AKAP3: variants seen among roughly 807,000 people sequenced by gnomAD.
The protein encoded by AKAP3 is A-kinase anchor protein 3.
A neutral mutation model predicts 57.2 loss-of-function variants in AKAP3; 27 were observed. The observed-to-expected ratio is 0.47, with a 90% CI of 0.35 to 0.65. The LOEUF (loss-of-function observed/expected upper bound fraction) is 0.65. Among genes scored for constraint, AKAP3 ranks in the 30% least tolerant of loss-of-function variants. The pLI is 0.01. For missense variants in AKAP3, 959 were observed against 1,040.0 expected, an observed-to-expected ratio of 0.92 and a Z score of 1.07; for synonymous variants, 334 against 392.3, an observed-to-expected ratio of 0.85 and a Z score of 1.76.
At chr12:4,617,442 C>G (rs1366963334) in intron 5 of AKAP3, among the ~76,000 whole-genome samples, 1 of 152,156 alleles carries the variant, frequency 6.6e-6, no homozygotes, top group Non-Finnish European at 1.5e-5. Flanking sequence ...GTAGGCTATC[C>G]TCTTCAGTTC....
chr12:4,645,409 T>G (rs544628556), intron 1 of AKAP3: 1 of 152,368 alleles, frequency 6.6e-6, no homozygotes, highest in South Asian at 2.1e-4. Context: ...GGACCAGTTT[T>G]GTGAAAGACA....
Position 4,628,080 on chromosome 12 carries a change from A to G in AKAP3, c.822T>C (p.Pro274=). Residue 274 remains proline (P), a synonymous_variant, in exon 5 of 6, where the codon CCT becomes CCC. Coordinates refer to ENST00000228850, the MANE Select transcript of AKAP3 (RefSeq NM_001278309.2). ...ERKRFRGQER[P]DDFTASVSEG... ...CACTAACAGAAGCCGTAAAGTCATC[A>G]GGCCTTTCCTGCCCTCGAAACCTCT... The G allele has an allele frequency of 6.8e-6, 11 of 1,614,154 alleles. No individual in the cohort carries two copies. The highest frequency in any genetic ancestry group is 9.3e-6 in the Non-Finnish European group (11 of 1,180,014).
chr12:4,641,287 G>T (rs1945635183), intron 3 of AKAP3, among the ~76,000 whole-genome samples: 1 of 151,990 alleles, frequency 6.6e-6, no homozygotes, highest in Non-Finnish European at 1.5e-5. Flanking sequence ...AGAAGGATTG[G>T]ATTAAAATGT....
intron 4 of AKAP3, chr12:4,635,487 A>C: frequency 1.5e-6 from 1 of 667,950 alleles, no homozygotes. Context: ...ATTTACATTC[A>C]CTGATGTTTA....
At position 4,618,740 on chromosome 12, in the gene AKAP3, T is replaced by C. The variant is rs546810403; in HGVS notation, c.2407-2846A>G. On this transcript the variant is annotated intron_variant, in intron 5 of 5. Coordinates refer to ENST00000228850, the MANE Select transcript of AKAP3 (RefSeq NM_001278309.2). ...AATGTCCCCTGGGGGGCAAAATTGC[T>C]CCTGGTTGAGAACCACTGGGTAGGC... is the stretch of plus-strand genomic sequence containing the variant. 2.0e-5 allele frequency among the ~76,000 whole-genome samples: 3 copies of C among 152,350 alleles called. No individual in the cohort carries two copies. The South Asian group carries it at 6.2e-4, about 32-fold the overall frequency.
intron 5 of AKAP3, among the ~76,000 whole-genome samples, chr12:4,616,824 G>T (rs147399198): frequency 2.7e-4 from 41 of 152,164 alleles, no homozygotes; most frequent in African/African-American, 9.2e-4. Context: ...CAGAGCCCAA[G>T]GACTTGTGGG....
intron 3 of AKAP3, among the ~76,000 whole-genome samples, chr12:4,639,462 A>C (rs982317784): frequency 1.3e-5 from 2 of 152,040 alleles, no homozygotes; most frequent in African/African-American, 4.8e-5. Context: ...GTTCTAGGGC[A>C]CATGTGCACA....
At chr12:4,619,304 TTCCTG>T in intron 5 of AKAP3, among the ~76,000 whole-genome samples, 1 of 152,256 alleles carries the variant, frequency 6.6e-6, no homozygotes, top group South Asian at 2.1e-4. Flanking sequence ...CATGCCTGTT[TTCCTG>T]GCACTTTGGG....
In AKAP3 at chr12:4,627,024, C is replaced by T. The variant is rs745969161; in HGVS notation, c.1878G>A (p.Arg626=). 7.4e-6 allele frequency: 12 copies of T among 1,613,930 alleles called. No individual in the cohort carries two copies. Among genetic ancestry groups the T allele is most frequent in the Non-Finnish European group, 1.0e-5 (12 of 1,179,966 alleles). The change falls in exon 5 of 6, where the codon AGG becomes AGA. Residue 626 remains arginine (R), a synonymous_variant. Transcript: ENST00000228850. ...KVPEQPVKED[R]KLCERPLASS... ...ACGCCAACGGTCTTTCACACAACTT[C>T]CTATCTTCCTTAACTGGCTGTTCCG... is the stretch of plus-strand genomic sequence containing the variant.
chr12:4,628,843 G>A, intron 4 of AKAP3, 38 bp from the exon 5 acceptor site: 1 of 1,556,752 alleles, frequency 6.4e-7, no homozygotes, highest in South Asian at 1.2e-5. Flanking sequence ...CTATAACAAA[G>A]TAAAGATATG....
At position 4,615,735 on chromosome 12, in the gene AKAP3, CCG is replaced by C. The variant is rs1290985444; in HGVS notation, c.*2_*3del. On this transcript the variant is annotated 3_prime_UTR_variant, in exon 6 of 6. Transcript: ENST00000228850. ...AGAAGAGGGGAAAGCAGTGGGGTTG[CCG>C]ATTACAGGTTCACCATCAGCCAGTC... 6.2e-7 allele frequency: 1 copy of C among 1,612,404 alleles called. No individual in the cohort carries two copies. Among genetic ancestry groups the C allele is most frequent in the African/African-American group, 1.3e-5 (1 of 74,872 alleles).
At chr12:4,629,833 G>A (rs1172331996) in intron 4 of AKAP3, among the ~76,000 whole-genome samples, 1 of 152,056 alleles carries the variant, frequency 6.6e-6, no homozygotes, top group Non-Finnish European at 1.5e-5. Context: ...TTGCCAGGCT[G>A]CACAAACACT....
chr12:4,619,340 C>G lies in AKAP3; in HGVS notation c.2407-3446G>C, dbSNP rs774803126. Among the ~76,000 whole-genome samples the G allele has an allele frequency of 6.6e-5, 10 of 152,254 alleles. No individual in the cohort carries two copies. The East Asian group carries it at 1.9e-3, about 29-fold the overall frequency. On this transcript the variant is annotated intron_variant, in intron 5 of 5. Transcript: ENST00000228850. ...TTGGGAGGCTGAGGTGTTCAGATCA[C>G]TTGAGCCCTGGAGCTTGAGACCAGC...
chr12:4,618,603 C>T (rs1405926532), intron 5 of AKAP3, among the ~76,000 whole-genome samples: 6 of 152,244 alleles, frequency 3.9e-5, no homozygotes, highest in Non-Finnish European at 8.8e-5. Context: ...TGTTGTGGGG[C>T]TATTTTGCTC....
intron 3 of AKAP3, among the ~76,000 whole-genome samples, chr12:4,639,205 T>C (rs1297574772): frequency 3.3e-5 from 5 of 151,782 alleles, no homozygotes; most frequent in Admixed American, 1.3e-4. Context: ...ACTCTCATGA[T>C]GACTGAGAGT....
intron 4 of AKAP3, chr12:4,631,416 A>C: frequency 1.4e-6 from 1 of 689,682 alleles, no homozygotes; most frequent in Non-Finnish European, 2.6e-6. Context: ...TTTTTGCCAC[A>C]AAGTGGGGCT....
rs200385558 is a variant in AKAP3, at chr12:4,626,898, C to A, written c.2004G>T (p.Gln668His). 1 of 1,614,178 alleles carries A rather than the reference C, an allele frequency of 6.2e-7. No homozygotes were observed. Among genetic ancestry groups the A allele is most frequent in the African/African-American group, 1.3e-5 (1 of 75,072 alleles). ...CTGAGTTCATCAGATGTTCTACCAT[C>A]TGCCCACTCATGTGGCCATCTATCT... ...VSQIDGHMSG[Q>H]MVEHLMNSVM... Residue 668 changes from glutamine to histidine, a missense_variant, in exon 5 of 6, where the codon CAG (glutamine) becomes CAT (histidine). Transcript: ENST00000228850.
In AKAP3 at chr12:4,625,727, G is replaced by C. The variant is rs1289161971; in HGVS notation, c.2406+769C>G. On this transcript the variant is annotated intron_variant, in intron 5 of 5. Transcript: ENST00000228850. The surrounding 1 kb of genome is among the most constrained non-coding windows in gnomAD (Gnocchi z 5.4). Reference sequence around the variant, plus strand: ...AGAGAGAGAGAGAGAGCAAGCGAGCGAGAAGGCAGAGAGGAGAGAGAAGAG... The same window carrying C: ...AGAGAGAGAGAGAGAGCAAGCGAGCCAGAAGGCAGAGAGGAGAGAGAAGAG... Among the ~76,000 whole-genome samples the C allele has an allele frequency of 6.6e-6, 1 of 151,896 alleles. No individual in the cohort carries two copies. The highest frequency in any genetic ancestry group is 2.4e-5 in the African/African-American group (1 of 41,376).
At chr12:4,646,017 T>A (rs1945693976) in intron 1 of AKAP3, 1 of 152,188 alleles carries the variant, frequency 6.6e-6, no homozygotes, top group Non-Finnish European at 1.5e-5. Flanking sequence ...TTTATAAGCA[T>A]CTTGCCTTCT....
Sources: allele counts gnomAD v4.1 joint callset (sites outside exome capture counted in the v4.1 genomes callset), GRCh38; gene constraint gnomAD v4.1.1; non-coding constraint Gnocchi (gnomAD v3.1); transcripts MANE v1.5; gene names NCBI Gene and HGNC (gene_info 2026-07-23, HGNC 2026-07-21).